The following KSR2 variants were observed in gnomAD, a reference collection of about 807,000 sequenced individuals.
KSR2 encodes the protein kinase suppressor of ras 2.
A neutral mutation model predicts 107.8 loss-of-function variants in KSR2; 25 were observed. The ratio of observed to expected loss-of-function variants is 0.23; its 90% CI spans 0.17 to 0.32. The LOEUF is 0.32. Among genes scored for constraint, KSR2 ranks in the 10% least tolerant of loss-of-function variants. The probability of loss-of-function intolerance (pLI) is 1.00; values close to 1 mark genes in which losing one functional copy is unlikely to be tolerated. For synonymous variants in KSR2, 480 were observed against 507.0 expected, an observed-to-expected ratio of 0.95 and a Z score of 0.71; for missense variants, 887 against 1,268.9, an observed-to-expected ratio of 0.70 and a Z score of 4.57.
intron 1 of KSR2, among the ~76,000 whole-genome samples, chr12:117,965,597 T>G (rs1896762636): frequency 3.3e-5 from 5 of 152,254 alleles, no homozygotes; most frequent in African/African-American, 7.2e-5. Flanking sequence ...GATCATCTAT[T>G]CAATTTATTA....
At chr12:117,918,550 A>G (rs1225600212) in intron 1 of KSR2, among the ~76,000 whole-genome samples, 1 of 152,066 alleles carries the variant, frequency 6.6e-6, no homozygotes, top group Non-Finnish European at 1.5e-5. Flanking sequence ...GCACTTTGGG[A>G]GGCTGAGGCA....
intron 5 of KSR2, among the ~76,000 whole-genome samples, chr12:117,604,577 G>C (rs1265899004): frequency 6.6e-6 from 1 of 152,140 alleles, no homozygotes; most frequent in Non-Finnish European, 1.5e-5. Context: ...AGACAAGTTA[G>C]ACAATAAAAA....
At chr12:117,619,152 T>A (rs549604231) in intron 5 of KSR2, among the ~76,000 whole-genome samples, 5 of 152,052 alleles carry the variant, frequency 3.3e-5, no homozygotes, top group African/African-American at 1.2e-4. Context: ...CCTGGTGCAA[T>A]AGCTCTTTCC....
At chr12:117,846,899 C>G (rs1407585411) in intron 3 of KSR2, among the ~76,000 whole-genome samples, 1 of 152,258 alleles carries the variant, frequency 6.6e-6, no homozygotes, top group African/African-American at 2.4e-5. Context: ...GCCTTCCCCA[C>G]CACTGTTATC....
chr12:117,765,724 A>C (rs1186715588), intron 3 of KSR2, among the ~76,000 whole-genome samples: 1 of 152,232 alleles, frequency 6.6e-6, no homozygotes, highest in Non-Finnish European at 1.5e-5. Context: ...GAAAGAAAGC[A>C]GGGCACAGAG....
chr12:117,958,023 G>A (rs79659010), intron 1 of KSR2, among the ~76,000 whole-genome samples: 18,332 of 151,992 alleles, frequency 0.12, 1,711 homozygotes, highest in East Asian at 0.3. Context: ...AGTAGAGACG[G>A]GGTTTCGCCA....
chr12:117,798,088 C>G (rs1890698098), intron 3 of KSR2, among the ~76,000 whole-genome samples: 1 of 92,168 alleles, frequency 1.1e-5, no homozygotes, highest in African/African-American at 8.8e-5. Flanking sequence ...ATCTCAAAAG[C>G]TAATTTTTTT....
chr12:117,825,283 T>C (rs1442285758), intron 3 of KSR2, among the ~76,000 whole-genome samples: 2 of 152,134 alleles, frequency 1.3e-5, no homozygotes, highest in East Asian at 1.9e-4. Context: ...TATGTGTGGG[T>C]CCGTGGATGG....
chr12:117,603,558 C>A (rs1881072433), intron 5 of KSR2, among the ~76,000 whole-genome samples: 2 of 152,188 alleles, frequency 1.3e-5, no homozygotes, highest in African/African-American at 4.8e-5. Flanking sequence ...CATAGGGAAC[C>A]CACCAAGGGC....
intron 5 of KSR2, among the ~76,000 whole-genome samples, chr12:117,585,828 CA>C: frequency 6.6e-6 from 1 of 152,182 alleles, no homozygotes; most frequent in Non-Finnish European, 1.5e-5. Flanking sequence ...GACACAGAGG[CA>C]GAATTTTGTG....
chr12:117,579,048 G>T, intron 7 of KSR2, 71 bp downstream of exon 7: 1 of 1,086,492 alleles, frequency 9.2e-7, no homozygotes, highest in Non-Finnish European at 1.4e-6. Flanking sequence ...CCCAAAGGCT[G>T]TTCAGTGCCC....
intron 14 of KSR2, among the ~76,000 whole-genome samples, chr12:117,486,200 T>C (rs992799785): frequency 4.6e-5 from 7 of 152,204 alleles, no homozygotes. Context: ...TAAACACCAG[T>C]AATACCACCC....
At chr12:117,816,838 G>A (rs1387548286) in intron 3 of KSR2, among the ~76,000 whole-genome samples, 1 of 152,194 alleles carries the variant, frequency 6.6e-6, no homozygotes, top group African/African-American at 2.4e-5. Context: ...AAGGCAACAA[G>A]GCTTCCAGAA....
At chr12:117,598,443 A>G (rs1274962097) in intron 5 of KSR2, among the ~76,000 whole-genome samples, 2 of 152,142 alleles carry the variant, frequency 1.3e-5, no homozygotes, top group African/African-American at 4.8e-5. Context: ...GCTGCTATAA[A>G]CATGCATGTG....
intron 1 of KSR2, among the ~76,000 whole-genome samples, chr12:117,890,460 G>A (rs552595208): frequency 1.4e-4 from 22 of 152,302 alleles, no homozygotes; most frequent in African/African-American, 5.1e-4. Flanking sequence ...AGAGTAAAGG[G>A]AACAACCTTA....
chr12:117,484,652 A>G lies in KSR2; in HGVS notation c.2317-103T>C, dbSNP rs1055937947. ...CTTGTCCTGAAGACTTGGCTCCCTA[A>G]TGGGACCACACTCAACAGAGGCAGG... is the stretch of plus-strand genomic sequence containing the variant. On this transcript the variant is annotated intron_variant, in intron 15 of 19. Coordinates refer to ENST00000339824, the MANE Select transcript of KSR2 (RefSeq NM_173598.6). 16 of 1,159,504 alleles carry G rather than the reference A, an allele frequency of 1.4e-5. No homozygotes were observed. In the South Asian group the frequency reaches 2.0e-4, roughly 15 times the overall value. 71.8% of individuals were successfully genotyped at this position (1,159,504 alleles called of 1,614,324 possible). A position where few individuals can be genotyped will look rare whatever the true frequency, so the allele number is the denominator to read the frequency against.
At chr12:117,948,350 C>A (rs561144101) in intron 1 of KSR2, among the ~76,000 whole-genome samples, 1 of 152,030 alleles carries the variant, frequency 6.6e-6, no homozygotes, top group South Asian at 2.1e-4. Flanking sequence ...ATTAGCTGGG[C>A]GTGTTGGCGT....
intron 3 of KSR2, among the ~76,000 whole-genome samples, chr12:117,830,254 G>A (rs2137110838): frequency 6.6e-6 from 1 of 151,592 alleles, no homozygotes; most frequent in Non-Finnish European, 1.5e-5. Flanking sequence ...GGGAAACAGA[G>A]TGAGATTCCA....
chr12:117,793,505 A>G (rs1402914148), intron 3 of KSR2, among the ~76,000 whole-genome samples: 1 of 140,860 alleles, frequency 7.1e-6, no homozygotes. Context: ...ACACACCCTT[A>G]CACCAATATG....
Sources: gnomAD v4.1 joint callset for allele counts (sites outside exome capture counted in the v4.1 genomes callset) on GRCh38, gnomAD v4.1.1 for gene constraint, MANE v1.5 for transcripts, NCBI Gene and HGNC (gene_info 2026-07-23, HGNC 2026-07-21) for gene names.